RNF115: variants seen among roughly 807,000 people sequenced by gnomAD.
RNF115 encodes ring finger protein 115.
RNF115 carries 31 observed loss-of-function variants against 39.2 expected under a neutral mutation model. That is an observed-to-expected ratio of 0.79 (90% CI 0.59 to 1.07). The LOEUF (loss-of-function observed/expected upper bound fraction) is 1.07, where lower values mean the gene tolerates loss of function less well. Ranked by LOEUF, RNF115 falls within the 50% of genes least tolerant of loss-of-function variation. RNF115 has a pLI of 0.00. For synonymous variants in RNF115, 124 were observed against 131.0 expected (o/e 0.95, Z 0.37); for missense variants, 384 against 381.7 (o/e 1.01, Z -0.05).
intron 1 of RNF115, among the ~76,000 whole-genome samples, chr1:145,790,999 G>C (rs1648639768): frequency 6.6e-6 from 1 of 151,846 alleles, no homozygotes; most frequent in Admixed American, 6.6e-5. Context: ...AAATTAGCTG[G>C]GGTGTGGTGG....
At chr1:145,811,883 CA>C (rs67086842) in intron 1 of RNF115, among the ~76,000 whole-genome samples, 8 of 35,856 alleles carry the variant, frequency 2.2e-4, no homozygotes, top group East Asian at 7.1e-4. Flanking sequence ...TTCTGTCTCA[CA>C]AAAAAAAAAA....
intron 3 of RNF115, among the ~76,000 whole-genome samples, chr1:145,779,826 C>A (rs1553717057): frequency 6.6e-6 from 1 of 151,940 alleles, no homozygotes; most frequent in Non-Finnish European, 1.5e-5. Flanking sequence ...CCACACCTGG[C>A]TAATTTTTGT....
At chr1:145,775,113 A>G (rs782726348) in intron 3 of RNF115, among the ~76,000 whole-genome samples, 1 of 152,142 alleles carries the variant, frequency 6.6e-6, no homozygotes, top group Non-Finnish European at 1.5e-5. Context: ...TAAGTGTGGT[A>G]GCAAGCACCT....
At chr1:145,771,662 G>A in intron 4 of RNF115, 49 bp downstream of exon 4, 1 of 1,439,728 alleles carries the variant, frequency 6.9e-7, no homozygotes, top group African/African-American at 1.4e-5. Context: ...ATACCAATTT[G>A]TCCTTCATTG....
intron 7 of RNF115, among the ~76,000 whole-genome samples, chr1:145,748,741 T>G (rs1657968802): frequency 6.6e-6 from 1 of 151,936 alleles, no homozygotes; most frequent in African/African-American, 2.4e-5. Context: ...AAAGATTAGC[T>G]GGGTGTGATG....
chr1:145,745,423 G>A lies in RNF115; in HGVS notation c.*1443C>T, dbSNP rs1657834535. 1 of 152,896 alleles carries A rather than the reference G, an allele frequency of 6.5e-6. No homozygotes were observed. Among genetic ancestry groups the A allele is most frequent in the South Asian group, 2.1e-4 (1 of 4,850 alleles). The allele number at this position is 152,896 out of a possible 1,614,324, so 9.5% of individuals were successfully genotyped here. A position where few individuals can be genotyped will look rare whatever the true frequency, so the allele number is the denominator to read the frequency against. On this transcript the variant is annotated 3_prime_UTR_variant, in exon 9 of 9. Coordinates refer to ENST00000582693, the MANE Select transcript of RNF115 (RefSeq NM_014455.4). The stretch of plus-strand genomic sequence containing the variant: ...ATCGTGCCACTGCACTCCAGCCTAG[G>A]CGACAGAAACAAACAAAAAAAGCAG...
chr1:145,767,998 G>A (rs1378470526), intron 4 of RNF115, among the ~76,000 whole-genome samples: 1 of 149,960 alleles, frequency 6.7e-6, no homozygotes, highest in Non-Finnish European at 1.5e-5. Context: ...ACCGTGGGGA[G>A]AGGGAGAGGG....
rs1418276394 is a variant in RNF115 at position 145,740,947 on chromosome 1, C to T, written c.*5919G>A. Reference sequence around the variant, plus strand: ...CTGCCTCCTTGGTTCAAACGATTCTCCCTCCTCAGCCTCCCAAGTAGCTGG... The same window carrying T: ...CTGCCTCCTTGGTTCAAACGATTCTTCCTCCTCAGCCTCCCAAGTAGCTGG... On this transcript the variant is annotated 3_prime_UTR_variant, in exon 9 of 9. Transcript: ENST00000582693. 6.6e-6 allele frequency: 1 copy of T among 152,258 alleles called. No homozygotes were observed. Among genetic ancestry groups the T allele is most frequent in the Non-Finnish European group, 1.5e-5 (1 of 68,102 alleles). The allele number at this position is 152,258 out of a possible 1,614,324, so 9.4% of individuals were successfully genotyped here.
chr1:145,775,587 G>C (rs1343332629), intron 3 of RNF115, among the ~76,000 whole-genome samples: 1 of 151,992 alleles, frequency 6.6e-6, no homozygotes, highest in Non-Finnish European at 1.5e-5. Flanking sequence ...TCTTTTTAGA[G>C]ATAAGGTCTA....
At chr1:145,789,684 C>T (rs1648567809) in intron 1 of RNF115, among the ~76,000 whole-genome samples, 1 of 149,236 alleles carries the variant, frequency 6.7e-6, no homozygotes, top group Non-Finnish European at 1.5e-5. Context: ...AGGTGTGAGC[C>T]ACCACACCCG....
intron 3 of RNF115, among the ~76,000 whole-genome samples, chr1:145,775,656 A>G (rs1480399609): frequency 6.6e-6 from 1 of 151,956 alleles, no homozygotes; most frequent in African/African-American, 2.4e-5. Context: ...CGGCCTCCCA[A>G]AGTACTGGGA....
chr1:145,753,150 T>C (rs1303186520), intron 4 of RNF115, 101 bp from the exon 5 acceptor site: 1 of 747,946 alleles, frequency 1.3e-6, no homozygotes, highest in South Asian at 1.7e-5. Context: ...TAAACCAAAA[T>C]GGCTTTTCAT....
rs1657670595 is a variant in RNF115, at chr1:145,740,835, C to CT, written c.*6030dup. On this transcript the variant is annotated 3_prime_UTR_variant, in exon 9 of 9. Coordinates refer to ENST00000582693, the MANE Select transcript of RNF115 (RefSeq NM_014455.4). The stretch of plus-strand genomic sequence containing the variant: ...GGCTATCAAGTTGTTGGAAGGGAAT[C>CT]TAATAATTTGGGGGTTTTTGTTTTG... The CT allele has an allele frequency of 6.6e-6, 1 of 152,104 alleles. No individual in the cohort carries two copies. The highest frequency in any genetic ancestry group is 2.4e-5 in the African/African-American group (1 of 41,420). The allele number at this position is 152,104 out of a possible 1,614,324, so 9.4% of individuals were successfully genotyped here. A position where few individuals can be genotyped will look rare whatever the true frequency, so the allele number is the denominator to read the frequency against.
chr1:145,791,525 A>C (rs75232312), intron 1 of RNF115, among the ~76,000 whole-genome samples: 3,727 of 152,012 alleles, frequency 0.025, 54 homozygotes, highest in Non-Finnish European at 0.034. Flanking sequence ...AAAAAAAAAA[A>C]AAGAGAAAGA....
intron 1 of RNF115, among the ~76,000 whole-genome samples, chr1:145,794,793 G>A (rs1419846642): frequency 2.6e-5 from 4 of 151,670 alleles, no homozygotes; most frequent in Non-Finnish European, 5.9e-5. Context: ...CGAGGAGGGT[G>A]GATCACAAAG....
chr1:145,819,631 C>G (rs1650147193), intron 1 of RNF115, among the ~76,000 whole-genome samples: 1 of 152,070 alleles, frequency 6.6e-6, no homozygotes, highest in African/African-American at 2.4e-5. Context: ...ATTCTGATAC[C>G]AAAACCTGGC....
At chr1:145,771,314 C>G (rs1354863945) in intron 4 of RNF115, among the ~76,000 whole-genome samples, 3 of 152,198 alleles carry the variant, frequency 2.0e-5, no homozygotes, top group Non-Finnish European at 1.5e-5. Flanking sequence ...TGCCTTCCAA[C>G]ATGGAATGAC....
intron 4 of RNF115, among the ~76,000 whole-genome samples, chr1:145,768,473 G>A (rs1647483429): frequency 6.6e-6 from 1 of 152,220 alleles, no homozygotes; most frequent in South Asian, 2.1e-4. Context: ...CCGCCACCAT[G>A]CCTGGTTAAT....
In RNF115 at chr1:145,745,834, C is replaced by G. The variant is rs1277381749; in HGVS notation, c.*1032G>C. ...GCCTGTATGCTGCCCAACTCATTCC[C>G]AAAAAGGAATGGGAATCAGATTCCT... On this transcript the variant is annotated 3_prime_UTR_variant, in exon 9 of 9. Transcript: ENST00000582693. The G allele has an allele frequency of 6.6e-6, 1 of 151,924 alleles. No homozygotes were observed. The highest frequency in any genetic ancestry group is 2.4e-5 in the African/African-American group (1 of 41,388). 9.4% of individuals were successfully genotyped at this position (151,924 alleles called of 1,614,324 possible). A position where few individuals can be genotyped will look rare whatever the true frequency, so the allele number is the denominator to read the frequency against.
Sources: gnomAD v4.1 joint callset for allele counts (sites outside exome capture counted in the v4.1 genomes callset) on GRCh38, gnomAD v4.1.1 for gene constraint, MANE v1.5 for transcripts, NCBI Gene and HGNC (gene_info 2026-07-23, HGNC 2026-07-21) for gene names.